CASP8: variants seen among roughly 807,000 people sequenced by gnomAD.
The protein encoded by CASP8 is caspase 8.
In CASP8, 24 loss-of-function variants were observed where a neutral mutation model predicts 46.3. That is an observed-to-expected ratio of 0.52 (90% CI 0.38 to 0.73). The LOEUF is 0.73. Among genes scored for constraint, CASP8 ranks in the 30% least tolerant of loss-of-function variants. The pLI is 0.00. For synonymous variants in CASP8, 188 were observed against 200.4 expected, an observed-to-expected ratio of 0.94 and a Z score of 0.52; for missense variants, 460 against 559.0, an observed-to-expected ratio of 0.82 and a Z score of 1.79.
chr2:201,243,273 G>T (rs1396696815), intron 2 of CASP8, among the ~76,000 whole-genome samples: 1 of 152,068 alleles, frequency 6.6e-6, no homozygotes, highest in Non-Finnish European at 1.5e-5. Context: ...AATAGAAAAG[G>T]ATTCCTATAC....
chr2:201,262,455 T>C (rs1364519080), intron 1 of CASP8, among the ~76,000 whole-genome samples: 5 of 151,716 alleles, frequency 3.3e-5, no homozygotes, highest in African/African-American at 7.2e-5. Context: ...AATAGACTTA[T>C]ATACATTTAC....
In CASP8 at chr2:201,250,492, C is replaced by T. The variant is rs137881855; in HGVS notation, c.-26-15969C>T. Among the ~76,000 whole-genome samples, 1,318 of 152,246 alleles carry T rather than the reference C, an allele frequency of 8.7e-3. 17 individuals are homozygous for T. The highest frequency in any genetic ancestry group is 8.1e-3 in the Non-Finnish European group (554 of 68,014). On this transcript the variant is annotated intron_variant, in intron 2 of 6. Transcript: ENST00000264274. ...ATTATGGTGGAAGACAAAGGGGGAG[C>T]GAGACATCTCATGTGGCTAGAGCAG...
rs551251911 is a variant in CASP8 at position 201,272,501 on chromosome 2, A to G, written c.412-137A>G. ...CCTAGTAGCCTGCTGGCTGTGAGAG[A>G]CCAGCAGAAACTGTCAGAAACTTGG... On this transcript the variant is annotated intron_variant, in intron 3 of 8. Transcript: ENST00000673742. The surrounding 1 kb of genome is among the most constrained non-coding windows in gnomAD (Gnocchi z 4.4). 3 of 910,090 alleles carry G rather than the reference A, an allele frequency of 3.3e-6. No homozygotes were observed. The highest frequency in any genetic ancestry group is 5.2e-6 in the Non-Finnish European group (3 of 577,052). 56.4% of individuals were successfully genotyped at this position (910,090 alleles called of 1,614,324 possible).
rs1036491478 is a variant in CASP8, at chr2:201,272,579, T to G, written c.412-59T>G. ...AAATTGGAAATTAAAAAAAAAAATC[T>G]AATCTAAAAACCAGTAGGGCTCAAT... On this transcript the variant is annotated intron_variant, in intron 3 of 8. Transcript: ENST00000673742. This position sits in a 1 kb window ranked among gnomAD's most constrained non-coding sequence, Gnocchi z 4.4. The G allele has an allele frequency of 1.5e-5, 23 of 1,585,182 alleles. No homozygotes were observed. In the African/African-American group the frequency reaches 2.0e-4, roughly 14 times the overall value.
intron 6 of CASP8, among the ~76,000 whole-genome samples, chr2:201,275,864 C>T (rs1286133603): frequency 2.0e-5 from 3 of 152,144 alleles, no homozygotes; most frequent in Non-Finnish European, 2.9e-5. Context: ...TACTAGCCAC[C>T]GTGCCTGGCC....
At chr2:201,239,113 G>A (rs1394001416) in intron 2 of CASP8, among the ~76,000 whole-genome samples, 1 of 152,198 alleles carries the variant, frequency 6.6e-6, no homozygotes, top group Non-Finnish European at 1.5e-5. Context: ...GGATCCCAAG[G>A]CAGAAGAATT....
chr2:201,266,692 T>C lies in CASP8; in HGVS notation c.206T>C (p.Ile69Thr). 1 of 1,614,086 alleles carries C rather than the reference T, an allele frequency of 6.2e-7. No homozygotes were observed. The highest frequency in any genetic ancestry group is 8.5e-7 in the Non-Finnish European group (1 of 1,179,962). The change falls in exon 2 of 9, where the codon ATT (isoleucine) becomes ACT (threonine). Residue 69 changes from isoleucine (I) to threonine (T), a missense_variant. Coordinates refer to ENST00000673742, the MANE Select transcript of CASP8 (RefSeq NM_001372051.1). The surrounding 1 kb of genome is among the most constrained non-coding windows in gnomAD (Gnocchi z 5.7). ...TTCCTGAAGGAGCTGCTCTTCCGAA[T>C]TAATAGACTGGATTTGCTGATTACC... ...LSFLKELLFR[I>T]NRLDLLITYL... is the part of the protein sequence containing the mutation.
intron 7 of CASP8, among the ~76,000 whole-genome samples, chr2:201,283,563 CG>C (rs1949296827): frequency 1.2e-5 from 1 of 82,844 alleles, no homozygotes. Flanking sequence ...GCTGGCCGGG[CG>C]GGGGGCTGAC....
Position 201,284,854 on chromosome 2 carries a change from A to G in CASP8, c.841A>G (p.Ile281Val), listed in dbSNP as rs1949478477. The G allele has an allele frequency of 6.2e-7, 1 of 1,613,974 alleles. No homozygotes were observed. Among genetic ancestry groups the G allele is most frequent in the South Asian group, 1.1e-5 (1 of 91,088 alleles). The stretch of plus-strand genomic sequence containing the variant: ...GACCTTTGAAGAGCTTCATTTTGAG[A>G]TCAAGCCCCACGATGACTGCACAGT... ...TTTFEELHFE[I>V]KPHDDCTVEQ... The change falls in exon 8 of 9, where the codon ATC (isoleucine) becomes GTC (valine). Residue 281 changes from isoleucine to valine, a missense_variant. Transcript: ENST00000673742.
At chr2:201,233,752 G>A (rs1945921766) in intron 1 of CASP8, 1 of 152,258 alleles carries the variant, frequency 6.6e-6, no homozygotes, top group Non-Finnish European at 1.5e-5. Flanking sequence ...CAGCAAGTGA[G>A]AGGCAGAGCT....
chr2:201,283,164 G>A (rs1949240437), intron 7 of CASP8, among the ~76,000 whole-genome samples: 4 of 68,766 alleles, frequency 5.8e-5, no homozygotes, highest in African/African-American at 9.8e-5. Context: ...CCCAGTAGGG[G>A]CGGCCGGGCA....
At chr2:201,285,530 C>A (rs113916221) in intron 8 of CASP8, among the ~76,000 whole-genome samples, 19 of 152,272 alleles carry the variant, frequency 1.2e-4, no homozygotes, top group African/African-American at 3.9e-4. Context: ...AGGTCAGTTA[C>A]AAAGTGGGAG....
intron 2 of CASP8, among the ~76,000 whole-genome samples, chr2:201,251,961 A>G (rs900350716): frequency 1.1e-4 from 16 of 151,822 alleles, no homozygotes; most frequent in Non-Finnish European, 1.8e-4. Flanking sequence ...TGTCCGTATG[A>G]GTTTTCATTC....
chr2:201,281,812 C>T, intron 7 of CASP8: 2 of 1,406,974 alleles, frequency 1.4e-6, no homozygotes, highest in African/African-American at 1.5e-5. Context: ...ATAACACTCT[C>T]TCCTTTCTCA....
At chr2:201,251,482 C>T (rs11692952) in intron 2 of CASP8, among the ~76,000 whole-genome samples, 67,749 of 150,740 alleles carry the variant, frequency 0.45, 17,422 homozygotes, top group Non-Finnish European at 0.59. Flanking sequence ...GTAATCCCAG[C>T]TACTCAGGAA....
intron 1 of CASP8, chr2:201,261,810 T>G: frequency 6.6e-6 from 1 of 152,222 alleles, no homozygotes; most frequent in Non-Finnish European, 1.5e-5. Context: ...CAAATGCATG[T>G]TTTGCTTTTT....
At position 201,287,348 on chromosome 2, in the gene CASP8, T is replaced by C. The variant is rs1270366680; in HGVS notation, c.*754T>C. On this transcript the variant is annotated 3_prime_UTR_variant, in exon 9 of 9. Coordinates refer to ENST00000673742, the MANE Select transcript of CASP8 (RefSeq NM_001372051.1). Reference sequence around the variant, plus strand: ...AAGAGGTCAAGGCTGCAGTGAGCCATGTTCACACCGCTGCACTCAAGCTTG... The same window carrying C: ...AAGAGGTCAAGGCTGCAGTGAGCCACGTTCACACCGCTGCACTCAAGCTTG... 1 of 152,482 alleles carries C rather than the reference T, an allele frequency of 6.6e-6. No homozygotes were observed. The highest frequency in any genetic ancestry group is 1.5e-5 in the Non-Finnish European group (1 of 68,208). The allele number at this position is 152,482 out of a possible 1,614,324, so 9.4% of individuals were successfully genotyped here.
chr2:201,269,063 C>T (rs1394981769), intron 2 of CASP8, among the ~76,000 whole-genome samples: 3 of 151,884 alleles, frequency 2.0e-5, no homozygotes, highest in African/African-American at 7.3e-5. Flanking sequence ...CTCAGCCTCC[C>T]AAGTAGCTGG....
intron 2 of CASP8, among the ~76,000 whole-genome samples, chr2:201,268,948 TGTGTGTGTGA>T (rs930222833): frequency 1.3e-4 from 19 of 146,436 alleles, no homozygotes; most frequent in South Asian, 2.3e-4. Flanking sequence ...TGTGTGTGTG[TGTGTGTGTGA>T]GACAGTGTCT....
Sources: gnomAD v4.1 joint callset for allele counts (sites outside exome capture counted in the v4.1 genomes callset) on GRCh38, gnomAD v4.1.1 for gene constraint, Gnocchi (gnomAD v3.1) non-coding constraint, MANE v1.5 for transcripts, NCBI Gene and HGNC (gene_info 2026-07-23, HGNC 2026-07-21) for gene names.